The following CGN variants were observed in gnomAD, a reference collection of about 807,000 sequenced individuals.
CGN encodes cingulin.
CGN carries 121 observed loss-of-function variants against 157.1 expected under a neutral mutation model. The ratio of observed to expected loss-of-function variants is 0.77; its 90% CI spans 0.66 to 0.90. The LOEUF (loss-of-function observed/expected upper bound fraction) is 0.90. Among genes scored for constraint, CGN ranks in the 40% least tolerant of loss-of-function variants. The probability of loss-of-function intolerance (pLI) is 0.00; values close to 1 mark genes in which losing one functional copy is unlikely to be tolerated. For missense variants in CGN, 1,424 were observed against 1,520.9 expected, an observed-to-expected ratio of 0.94 and a Z score of 1.06; for synonymous variants, 535 against 607.5, an observed-to-expected ratio of 0.88 and a Z score of 1.76.
At chr1:151,522,518 G>C (rs1210974067) in intron 5 of CGN, among the ~76,000 whole-genome samples, 1 of 151,808 alleles carries the variant, frequency 6.6e-6, no homozygotes, top group African/African-American at 2.4e-5. Flanking sequence ...CCTGCTGCTT[G>C]GGAGGCTGAG....
chr1:151,537,583 C>A lies in CGN; in HGVS notation c.*237C>A. The stretch of plus-strand genomic sequence containing the variant: ...CCAACTGAGCCTTTTCCTCAAGTGC[C>A]GACACCTCCCTCATCTCTCTTATAG... On this transcript the variant is annotated 3_prime_UTR_variant, in exon 21 of 21. Coordinates refer to ENST00000271636, the MANE Select transcript of CGN (RefSeq NM_020770.3). The A allele has an allele frequency of 4.5e-6, 2 of 448,778 alleles. No homozygotes were observed. Among genetic ancestry groups the A allele is most frequent in the African/African-American group, 2.0e-5 (1 of 51,242 alleles). 27.8% of individuals were successfully genotyped at this position (448,778 alleles called of 1,614,324 possible).
intron 1 of CGN, 126 bp from the exon 2 acceptor site, chr1:151,518,380 G>T: frequency 1.3e-6 from 1 of 753,928 alleles, no homozygotes; most frequent in Non-Finnish European, 2.1e-6. Flanking sequence ...CTCTCCAGGG[G>T]CCTTCTGTTA....
chr1:151,532,656 G>A, intron 14 of CGN, 84 bp downstream of exon 14: 1 of 1,134,266 alleles, frequency 8.8e-7, no homozygotes. Context: ...GTCTCACTCT[G>A]TCGCCCAGGC....
intron 1 of CGN, among the ~76,000 whole-genome samples, chr1:151,512,830 C>T (rs1023602906): frequency 5.9e-5 from 9 of 152,186 alleles, no homozygotes; most frequent in East Asian, 1.9e-4. Context: ...GAGATTTGCC[C>T]GACTCTAAGA....
At position 151,532,564 on chromosome 1, in the gene CGN, C is replaced by G. The variant is rs1459078883; in HGVS notation, c.2734C>G (p.Gln912Glu). 2 of 1,510,986 alleles carry G rather than the reference C, an allele frequency of 1.3e-6. No homozygotes were observed. The highest frequency in any genetic ancestry group is 1.3e-5 in the South Asian group (1 of 78,988). The allele number at this position is 1,510,986 out of a possible 1,614,324, so 93.6% of individuals were successfully genotyped here. The change falls in exon 14 of 21, where the codon CAG (glutamine) becomes GAG (glutamate). Residue 912 changes from glutamine (Q) to glutamate (E), a missense_variant. This residue lies in a region of CGN where 1,187 missense variants were observed against 1,217.6 expected (regional missense o/e 0.97). Coordinates refer to ENST00000271636, the MANE Select transcript of CGN (RefSeq NM_020770.3). Reference protein sequence around the residue: ...EKTSGGLSRLQDEIQRLRQAL... With the variant: ...EKTSGGLSRLEDEIQRLRQAL... The stretch of plus-strand genomic sequence containing the variant: ...GACCTCTGGAGGACTGAGCCGACTT[C>G]AGGATGAGGTAGAAGTCTAATATCC...
rs1302208676 is a variant in CGN at position 151,530,722 on chromosome 1, G to T, written c.2547G>T (p.Arg849Ser). 6 of 1,552,962 alleles carry T rather than the reference G, an allele frequency of 3.9e-6. No individual in the cohort carries two copies. In the Admixed American group the frequency reaches 1.2e-4, roughly 30 times the overall value. The change falls in exon 13 of 21, where the codon AGG becomes AGT. Residue 849 changes from arginine (R) to serine (S), a missense_variant. Around this residue, in one of 3 missense-constraint regions of CGN, gnomAD observed 1,187 missense variants for 1,217.6 expected, o/e 0.97. Transcript: ENST00000271636. ...AGGAGCAGAAGCGTTTGCTGGACAG[G>T]ACTGTGGACCGACTGAACAAGGAGG... ...ELEEQKRLLD[R>S]TVDRLNKELE...
chr1:151,515,781 G>C (rs951808083), intron 1 of CGN, among the ~76,000 whole-genome samples: 1 of 152,186 alleles, frequency 6.6e-6, no homozygotes, highest in Non-Finnish European at 1.5e-5. Context: ...GAAAAGTTGT[G>C]ATTTGCCTCA....
intron 5 of CGN, 22 bp from the exon 6 acceptor site, chr1:151,523,412 G>A: frequency 6.3e-7 from 1 of 1,595,936 alleles, no homozygotes. Context: ...TCTACCTGCT[G>A]TACTCTCATT....
In CGN at chr1:151,518,836, C is replaced by G; in HGVS notation, c.317C>G (p.Ser106Cys). Reference sequence around the variant, plus strand: ...TTGGAACTCCCTGAGAACCCCTACTCTCAGGTCAAGGGATTTCCTGCCCCC... The same window carrying G: ...TTGGAACTCCCTGAGAACCCCTACTGTCAGGTCAAGGGATTTCCTGCCCCC... ...SDLELPENPY[S>C]QVKGFPAPSQ... Residue 106 changes from serine to cysteine, a missense_variant, in exon 2 of 21, where the codon TCT (serine) becomes TGT (cysteine). Around this residue, in one of 3 missense-constraint regions of CGN, gnomAD observed 1,187 missense variants for 1,217.6 expected, o/e 0.97. Transcript: ENST00000271636. 1.9e-6 allele frequency: 3 copies of G among 1,614,028 alleles called. No homozygotes were observed. Among genetic ancestry groups the G allele is most frequent in the Non-Finnish European group, 2.5e-6 (3 of 1,179,952 alleles).
intron 1 of CGN, 33 bp from the exon 2 acceptor site, chr1:151,518,473 C>G (rs1388397418): frequency 6.5e-7 from 1 of 1,530,476 alleles, no homozygotes; most frequent in East Asian, 2.3e-5. Flanking sequence ...CTAGTGAAGT[C>G]TCTCAGCCTA....
At chr1:151,527,617 A>C (rs1664712389) in intron 10 of CGN, among the ~76,000 whole-genome samples, 1 of 152,154 alleles carries the variant, frequency 6.6e-6, no homozygotes. Context: ...CAAAAGAAAA[A>C]TAGCAGAGTA....
intron 5 of CGN, among the ~76,000 whole-genome samples, chr1:151,521,573 A>G (rs1447220443): frequency 6.6e-6 from 1 of 152,222 alleles, no homozygotes; most frequent in Admixed American, 6.5e-5. Context: ...AGCCGGGCGC[A>G]GTGGCTCACA....
At chr1:151,532,610 C>CAAT in intron 14 of CGN, 38 bp downstream of exon 14, 2 of 1,066,640 alleles carry the variant, frequency 1.9e-6, no homozygotes, top group Non-Finnish European at 2.5e-6. Context: ...AGGTCCTTGC[C>CAAT]TCTTTTTTTT....
intron 9 of CGN, 125 bp from the exon 10 acceptor site, chr1:151,526,850 T>C: frequency 9.9e-7 from 1 of 1,013,148 alleles, no homozygotes; most frequent in South Asian, 1.5e-5. Context: ...CCTTCCTTCC[T>C]CTTGAGAGTT....
intron 1 of CGN, among the ~76,000 whole-genome samples, chr1:151,517,636 G>C (rs1664444165): frequency 6.6e-6 from 1 of 151,274 alleles, no homozygotes; most frequent in Non-Finnish European, 1.5e-5. Context: ...TCAGCCTCCT[G>C]AGTAGCTGGG....
Position 151,536,892 on chromosome 1 carries a change from T to C in CGN, c.3469T>C (p.Trp1157Arg). Residue 1157 changes from tryptophan to arginine, a missense_variant and splice_region_variant, in exon 20 of 21, where the codon TGG becomes CGG. By Grantham distance (101) the Trp-to-Arg change is moderately radical (BLOSUM62 -3). Transcript: ENST00000271636. ...GATCAAGTCTCTGGAGAAGGACTCC[T>C]GGTATGGGCTACCCTTTTGCCCTTG... ...ARIKSLEKDS[W>R]RKASRSAAES... The C allele has an allele frequency of 6.2e-7, 1 of 1,613,830 alleles. No individual in the cohort carries two copies. The highest frequency in any genetic ancestry group is 8.5e-7 in the Non-Finnish European group (1 of 1,179,920).
At chr1:151,527,143 G>C in intron 10 of CGN, 36 bp downstream of exon 10, 1 of 1,612,332 alleles carries the variant, frequency 6.2e-7, no homozygotes, top group Non-Finnish European at 8.5e-7. Flanking sequence ...GGTAGGTAGG[G>C]GTGATGAACA....
chr1:151,521,893 A>G (rs1664550186), intron 5 of CGN, among the ~76,000 whole-genome samples: 1 of 152,264 alleles, frequency 6.6e-6, no homozygotes, highest in Admixed American at 6.5e-5. Context: ...TCAGCTTAAC[A>G]GGGTAATTGT....
chr1:151,537,296 T>G lies in CGN; in HGVS notation c.3562T>G (p.Ser1188Ala). The change falls in exon 21 of 21, where the codon TCC (serine) becomes GCC (alanine). Residue 1188 changes from serine (S) to alanine (A), a missense_variant. Physicochemically the swap from Ser to Ala is moderately conservative, Grantham distance 99. Around this residue, in one of 3 missense-constraint regions of CGN, gnomAD observed 38 missense variants for 31.1 expected, o/e 1.22. Transcript: ENST00000271636. ...ATTCGACAGTGTCTACGATCCCTCG[T>G]CCATTGCATCACTGCTTACGGAGAG... ...EEFDSVYDPS[S>A]IASLLTESNL... 1 of 1,614,090 alleles carries G rather than the reference T, an allele frequency of 6.2e-7. No homozygotes were observed. The highest frequency in any genetic ancestry group is 8.5e-7 in the Non-Finnish European group (1 of 1,179,976).
Sources: allele counts gnomAD v4.1 joint callset (sites outside exome capture counted in the v4.1 genomes callset), GRCh38; gene constraint gnomAD v4.1.1; regional missense constraint gnomAD v4.1.1; transcripts MANE v1.5; gene names NCBI Gene and HGNC (gene_info 2026-07-23, HGNC 2026-07-21).